The following ZFAT variants were observed in gnomAD, a reference collection of about 807,000 sequenced individuals.
The protein encoded by ZFAT is zinc finger and AT-hook domain containing.
Under a neutral mutation model 117.7 loss-of-function variants are expected in ZFAT, and 64 were observed. That is an observed-to-expected ratio of 0.54 (90% CI 0.44 to 0.67). The LOEUF is 0.67. Among genes scored for constraint, ZFAT ranks in the 30% least tolerant of loss-of-function variants. The pLI is 0.00. For synonymous variants in ZFAT, 679 were observed against 615.0 expected, an observed-to-expected ratio of 1.10 and a Z score of -1.54; for missense variants, 1,433 against 1,584.5, an observed-to-expected ratio of 0.90 and a Z score of 1.62.
At chr8:134,665,528 C>A (rs1053711496) in intron 1 of ZFAT, among the ~76,000 whole-genome samples, 15 of 152,208 alleles carry the variant, frequency 9.9e-5, no homozygotes, top group Non-Finnish European at 1.8e-4. Flanking sequence ...AGGGTTCAGG[C>A]TTTATGGGGT....
chr8:134,579,347 C>G (rs1242821912), intron 10 of ZFAT, among the ~76,000 whole-genome samples: 1 of 152,196 alleles, frequency 6.6e-6, no homozygotes, highest in Non-Finnish European at 1.5e-5. Flanking sequence ...TTCCATGTAG[C>G]TGGGGAGGCC....
chr8:134,561,830 C>A (rs1042870491), intron 11 of ZFAT, among the ~76,000 whole-genome samples: 4 of 152,094 alleles, frequency 2.6e-5, no homozygotes, highest in Non-Finnish European at 5.9e-5. Flanking sequence ...CATATATTTT[C>A]TGATCTTGCT....
rs777881562 is a variant in ZFAT, at chr8:134,565,325, C to A, written c.2976+8G>T. ...GAACATCTGCCTTCTTCTCCAGAGC[C>A]CTCTTACCTTGAAGGAGACATGCTG... On this transcript the variant is annotated splice_region_variant and intron_variant, in intron 11 of 15. Transcript: ENST00000377838. 3.1e-6 allele frequency: 5 copies of A among 1,612,796 alleles called. No homozygotes were observed. Among genetic ancestry groups the A allele is most frequent in the Non-Finnish European group, 4.2e-6 (5 of 1,179,662 alleles).
At chr8:134,547,209 C>T (rs1322196475) in intron 11 of ZFAT, among the ~76,000 whole-genome samples, 1 of 152,186 alleles carries the variant, frequency 6.6e-6, no homozygotes, top group African/African-American at 2.4e-5. Flanking sequence ...TGTTCACGGC[C>T]CGGTCTCCTT....
At chr8:134,507,779 C>A (rs1272462583) in intron 15 of ZFAT, among the ~76,000 whole-genome samples, 9 of 152,162 alleles carry the variant, frequency 5.9e-5, no homozygotes, top group Non-Finnish European at 8.8e-5. Context: ...AAACAAGACA[C>A]AAGTCACAAC....
chr8:134,601,677 G>A lies in ZFAT; in HGVS notation c.2042C>T (p.Ala681Val), dbSNP rs1827475982. 9 of 1,614,034 alleles carry A rather than the reference G, an allele frequency of 5.6e-6. No homozygotes were observed. The highest frequency in any genetic ancestry group is 1.3e-5 in the African/African-American group (1 of 75,020). ...AGCTACTGGAGGGAGGAGGTCTGAGGCCTCAGCTGGGTTTGACCTGAGACA... is the reference window on the plus strand; with the variant it reads ...AGCTACTGGAGGGAGGAGGTCTGAGACCTCAGCTGGGTTTGACCTGAGACA... ...SRCLRSNPAEASDLLPPVAGG... is the reference protein window; with the variant it reads ...SRCLRSNPAEVSDLLPPVAGG... The change falls in exon 6 of 16, where the codon GCC (alanine) becomes GTC (valine). Residue 681 changes from alanine (A) to valine (V), a missense_variant. Ala to Val is a moderately conservative substitution (Grantham distance 64, BLOSUM62 0). Transcript: ENST00000377838.
At chr8:134,530,687 A>G (rs1821340816) in intron 12 of ZFAT, among the ~76,000 whole-genome samples, 2 of 152,364 alleles carry the variant, frequency 1.3e-5, no homozygotes, top group Non-Finnish European at 1.5e-5. Flanking sequence ...CTATATATAT[A>G]TGTACAGATG....
At chr8:134,678,245 AAGTCTC>A (rs1297708420) in intron 1 of ZFAT, among the ~76,000 whole-genome samples, 25 of 152,240 alleles carry the variant, frequency 1.6e-4, no homozygotes, top group African/African-American at 5.8e-4. Flanking sequence ...AACTTCAGCA[AAGTCTC>A]AGGATATAAA....
chr8:134,573,979 T>C (rs1222698648), intron 10 of ZFAT, among the ~76,000 whole-genome samples: 1 of 152,230 alleles, frequency 6.6e-6, no homozygotes, highest in Non-Finnish European at 1.5e-5. Flanking sequence ...ACCCACGTTG[T>C]CCTGTTAGAA....
At chr8:134,696,274 G>A (rs962190954) in intron 1 of ZFAT, among the ~76,000 whole-genome samples, 2 of 152,204 alleles carry the variant, frequency 1.3e-5, no homozygotes, top group Non-Finnish European at 2.9e-5. Flanking sequence ...GCCAACCAAG[G>A]CAGCCCCTGA....
At chr8:134,610,902 A>T (rs536695079) in intron 3 of ZFAT, among the ~76,000 whole-genome samples, 55 of 152,378 alleles carry the variant, frequency 3.6e-4, no homozygotes, top group African/African-American at 1.3e-3. Flanking sequence ...TGGGTGAAGC[A>T]GACATAGTTT....
At chr8:134,784,328 G>A in the ZFAT span, 44 of 152,066 alleles carry the variant, frequency 2.9e-4, no homozygotes, top group African/African-American at 9.6e-4. Flanking sequence ...AAACATCCTT[G>A]TACATTTTTC....
chr8:134,831,920 G>A, the ZFAT span, among the ~76,000 whole-genome samples: 2 of 152,024 alleles, frequency 1.3e-5, no homozygotes, highest in South Asian at 2.1e-4. Flanking sequence ...GGGTCAGGCG[G>A]GGGGCTGAGC....
intron 2 of ZFAT, among the ~76,000 whole-genome samples, chr8:134,649,847 C>T (rs918644245): frequency 1.3e-5 from 2 of 151,404 alleles, no homozygotes; most frequent in African/African-American, 4.9e-5. Flanking sequence ...AATTATAACC[C>T]CCATAATCTC....
At chr8:134,696,454 G>A in intron 1 of ZFAT, 1 of 985,738 alleles carries the variant, frequency 1.0e-6, no homozygotes, top group Non-Finnish European at 1.2e-6. Context: ...ACCAAGGGCA[G>A]AGTAGGAGGG....
intron 2 of ZFAT, among the ~76,000 whole-genome samples, chr8:134,642,551 G>T (rs1227097396): frequency 6.6e-6 from 1 of 152,068 alleles, no homozygotes; most frequent in East Asian, 1.9e-4. Context: ...CTCCCACCTG[G>T]TCCACAGTTA....
chr8:134,634,031 A>T (rs1218648862), intron 3 of ZFAT, among the ~76,000 whole-genome samples: 4 of 151,486 alleles, frequency 2.6e-5, no homozygotes, highest in Non-Finnish European at 5.9e-5. Context: ...AGGCAACAAG[A>T]GCAAAACTCC....
chr8:134,513,663 A>C (rs1179571520), intron 13 of ZFAT, among the ~76,000 whole-genome samples: 1 of 152,212 alleles, frequency 6.6e-6, no homozygotes, highest in East Asian at 1.9e-4. Flanking sequence ...TCTTTCTGGA[A>C]GGGGCAGAGA....
intron 1 of ZFAT, among the ~76,000 whole-genome samples, chr8:134,688,773 C>T (rs1010097072): frequency 2.0e-5 from 3 of 152,168 alleles, no homozygotes; most frequent in Non-Finnish European, 1.5e-5. Context: ...TCTATCCCAT[C>T]GCATCCTCAA....
Sources: gnomAD v4.1 joint callset for allele counts (sites outside exome capture counted in the v4.1 genomes callset) on GRCh38, gnomAD v4.1.1 for gene constraint, MANE v1.5 for transcripts, NCBI Gene and HGNC (gene_info 2026-07-23, HGNC 2026-07-21) for gene names.